ELL2: variants seen among roughly 807,000 people sequenced by gnomAD.
ELL2 encodes the protein elongation factor for RNA polymerase II 2, also known as RNA polymerase II elongation factor ELL2.
In ELL2, 21 loss-of-function variants were observed where a neutral mutation model predicts 72.8. That is an observed-to-expected ratio of 0.29 (90% CI 0.20 to 0.42). The LOEUF (loss-of-function observed/expected upper bound fraction) is 0.42, where lower values mean the gene tolerates loss of function less well. Ranked by LOEUF, ELL2 falls within the 10% of genes least tolerant of loss-of-function variation. The pLI is 1.00. For missense variants in ELL2, 568 were observed against 772.8 expected (o/e 0.73, Z 3.14); for synonymous variants, 266 against 283.2 (o/e 0.94, Z 0.61).
At chr5:95,900,452 T>C in intron 7 of ELL2, 3 of 319,810 alleles carry the variant, frequency 9.4e-6, no homozygotes, top group Non-Finnish European at 5.6e-6. Flanking sequence ...ATGTAAACTT[T>C]AAAAATGGAA....
chr5:95,953,680 C>G (rs77648786), intron 1 of ELL2, among the ~76,000 whole-genome samples: 1 of 151,674 alleles, frequency 6.6e-6, no homozygotes, highest in African/African-American at 2.4e-5. Context: ...ACTCATGATT[C>G]TTTTGTTTTT....
chr5:95,927,013 T>C (rs912606304), intron 2 of ELL2, among the ~76,000 whole-genome samples: 2 of 152,172 alleles, frequency 1.3e-5, no homozygotes, highest in Non-Finnish European at 2.9e-5. Context: ...TTAGTGTTTC[T>C]GGTAAGATGA....
At position 95,900,693 on chromosome 5, in the gene ELL2, C is replaced by T; in HGVS notation, c.954G>A (p.Gln318=). Reference sequence around the variant, plus strand: ...CTATAATTCTATGTTTATGACATACCTGAGGAGAAGATACAGCGTCTCTAC... The same window carrying T: ...CTATAATTCTATGTTTATGACATACTTGAGGAGAAGATACAGCGTCTCTAC... ...CSSRDAVSSP[Q]KRLLDSEFID... Residue 318 remains glutamine, a splice_region_variant and synonymous_variant, in exon 7 of 12, where the codon CAG becomes CAA. Coordinates refer to ENST00000237853, the MANE Select transcript of ELL2 (RefSeq NM_012081.6). 1 of 1,588,890 alleles carries T rather than the reference C, an allele frequency of 6.3e-7. No individual in the cohort carries two copies. The highest frequency in any genetic ancestry group is 8.6e-7 in the Non-Finnish European group (1 of 1,167,164).
At chr5:95,906,838 C>T (rs1167894552) in intron 4 of ELL2, 56 bp from the exon 5 acceptor site, 74 of 1,471,006 alleles carry the variant, frequency 5.0e-5, no homozygotes, top group Non-Finnish European at 6.3e-5. Flanking sequence ...ATATGAGCAC[C>T]TCAGTTTCCA....
intron 1 of ELL2, 80 bp downstream of exon 1, chr5:95,961,495 G>C (rs1471876303): frequency 7.4e-7 from 1 of 1,351,512 alleles, no homozygotes; most frequent in Non-Finnish European, 9.5e-7. Context: ...CGGCTCCGCC[G>C]GCCCCGCACC....
chr5:95,928,211 T>C (rs1318708696), intron 2 of ELL2, among the ~76,000 whole-genome samples: 2 of 152,140 alleles, frequency 1.3e-5, no homozygotes, highest in African/African-American at 4.8e-5. Flanking sequence ...TAAAAATGAA[T>C]GCAAAGTTGA....
rs1254471867 is a variant in ELL2, at chr5:95,950,903, T to TAC, written c.148-7855_148-7854insGT. Among the ~76,000 whole-genome samples, 115 of 39,006 alleles carry TAC rather than the reference T, an allele frequency of 2.9e-3. 4 individuals are homozygous for TAC. The highest frequency in any genetic ancestry group is 0.016 in the African/African-American group (80 of 4,890). The allele number at this position is 39,006 out of a possible 152,430, so 25.6% of individuals were successfully genotyped here. On this transcript the variant is annotated intron_variant, in intron 1 of 11. Coordinates refer to ENST00000237853, the MANE Select transcript of ELL2 (RefSeq NM_012081.6). ...ATATATATATATGTATGTATGTATG[T>TAC]GTATATATATATATATATATATATA...
chr5:95,927,228 G>C (rs1467177857), intron 2 of ELL2, among the ~76,000 whole-genome samples: 7 of 151,334 alleles, frequency 4.6e-5, no homozygotes, highest in Admixed American at 4.6e-4. Context: ...GATGGATCTG[G>C]GATGTATTTT....
At chr5:95,917,997 G>T (rs575723421) in intron 3 of ELL2, among the ~76,000 whole-genome samples, 170 of 152,264 alleles carry the variant, frequency 1.1e-3, no homozygotes, top group African/African-American at 4.0e-3. Context: ...ACTGGGGTGG[G>T]AATTAGAAGA....
intron 1 of ELL2, among the ~76,000 whole-genome samples, chr5:95,950,604 A>G (rs972644146): frequency 1.3e-5 from 2 of 152,072 alleles, no homozygotes; most frequent in African/African-American, 4.8e-5. Context: ...ATTAGATGCC[A>G]AAAAGAAAGT....
intron 4 of ELL2, among the ~76,000 whole-genome samples, chr5:95,908,524 T>C (rs1048960575): frequency 6.6e-6 from 1 of 152,176 alleles, no homozygotes; most frequent in Non-Finnish European, 1.5e-5. Flanking sequence ...CTAGCATGCC[T>C]TAAATCAGTA....
chr5:95,889,137 AATTAAAT>A lies in ELL2; in HGVS notation c.1762-14_1762-8del. On this transcript the variant is annotated splice_region_variant and splice_polypyrimidine_tract_variant and intron_variant, in intron 10 of 11. Coordinates refer to ENST00000237853, the MANE Select transcript of ELL2 (RefSeq NM_012081.6). ...AGACTTCTTCATGAACATTCTACAA[AATTAAAT>A]ATTAGAAATCAGAAGAGAACAACTT... 1 of 1,600,158 alleles carries A rather than the reference AATTAAAT, an allele frequency of 6.2e-7. No individual in the cohort carries two copies. Among genetic ancestry groups the A allele is most frequent in the Non-Finnish European group, 8.5e-7 (1 of 1,170,018 alleles).
intron 2 of ELL2, among the ~76,000 whole-genome samples, chr5:95,933,695 AAAC>A (rs781177750): frequency 3.9e-5 from 6 of 152,152 alleles, no homozygotes; most frequent in Admixed American, 6.5e-5. Flanking sequence ...TCAATCAGAA[AAAC>A]AATAAAGGCT....
At chr5:95,893,177 A>G (rs1748730374) in intron 9 of ELL2, among the ~76,000 whole-genome samples, 1 of 152,164 alleles carries the variant, frequency 6.6e-6, no homozygotes, top group African/African-American at 2.4e-5. Flanking sequence ...ATTATAGAAG[A>G]GATTATTTGG....
chr5:95,914,761 CTT>C (rs1014315040), intron 3 of ELL2, among the ~76,000 whole-genome samples: 2 of 152,030 alleles, frequency 1.3e-5, no homozygotes, highest in African/African-American at 4.8e-5. Context: ...GGGAGGGTCT[CTT>C]GAGCCCAGGA....
At chr5:95,951,103 C>T (rs1457193119) in intron 1 of ELL2, among the ~76,000 whole-genome samples, 2 of 151,686 alleles carry the variant, frequency 1.3e-5, no homozygotes, top group African/African-American at 4.8e-5. Flanking sequence ...GGCATGGTGG[C>T]TCACACCTGT....
intron 1 of ELL2, among the ~76,000 whole-genome samples, chr5:95,947,985 C>T (rs1247747058): frequency 6.6e-6 from 1 of 151,966 alleles, no homozygotes; most frequent in East Asian, 1.9e-4. Flanking sequence ...ATGTACTTAT[C>T]CAAACAGGGC....
At chr5:95,913,693 A>G in intron 4 of ELL2, 78 bp downstream of exon 4, 1 of 1,369,356 alleles carries the variant, frequency 7.3e-7, no homozygotes, top group Non-Finnish European at 9.6e-7. Context: ...CATTAAGTTA[A>G]TATTACTGGT....
chr5:95,892,093 CAAT>C (rs1268581298), intron 9 of ELL2, among the ~76,000 whole-genome samples: 1 of 151,530 alleles, frequency 6.6e-6, no homozygotes, highest in African/African-American at 2.4e-5. Context: ...TCAGTTTATT[CAAT>C]AATAAGTAAA....
Sources: allele counts gnomAD v4.1 joint callset (sites outside exome capture counted in the v4.1 genomes callset), GRCh38; gene constraint gnomAD v4.1.1; transcripts MANE v1.5; gene names NCBI Gene and HGNC (gene_info 2026-07-23, HGNC 2026-07-21).